TAS2R1: variants seen among roughly 807,000 people sequenced by gnomAD.
TAS2R1 encodes taste 2 receptor member 1, also known as taste receptor type 2 member 1.
For synonymous variants in TAS2R1, 141 were observed against 134.2 expected (o/e 1.05, Z -0.35); for missense variants, 370 against 353.4 (o/e 1.05, Z -0.38).
chr5:9,849,696 G>A, the TAS2R1 span, among the ~76,000 whole-genome samples: 8 of 152,282 alleles, frequency 5.3e-5, no homozygotes, highest in African/African-American at 1.9e-4. Flanking sequence ...CCTCCTAGGT[G>A]GAGAGGCTAA....
At chr5:9,652,579 C>T (rs1334901813) in intron 2 of TAS2R1, among the ~76,000 whole-genome samples, 1 of 152,122 alleles carries the variant, frequency 6.6e-6, no homozygotes, top group African/African-American at 2.4e-5. Flanking sequence ...CTGCCTGCCC[C>T]CACCACACAC....
rs546345529 is a variant in TAS2R1, at chr5:9,703,755, A to T, written c.-242+8417T>A. Among the ~76,000 whole-genome samples the T allele has an allele frequency of 9.6e-4, 146 of 152,286 alleles. 1 individual carries two copies. Among genetic ancestry groups the T allele is most frequent in the African/African-American group, 3.4e-3 (141 of 41,560 alleles). Reference sequence around the variant, plus strand: ...AGATTTGGAAGCTTGCTTACATTGCATCTGTGCCTACAACTGTCCTAGGTC... The same window carrying T: ...AGATTTGGAAGCTTGCTTACATTGCTTCTGTGCCTACAACTGTCCTAGGTC... On this transcript the variant is annotated intron_variant, in intron 1 of 2. Coordinates refer to the TAS2R1 transcript ENST00000506620.
At chr5:9,866,529 C>A in the TAS2R1 span, among the ~76,000 whole-genome samples, 2 of 152,170 alleles carry the variant, frequency 1.3e-5, no homozygotes, top group Admixed American at 6.5e-5. Context: ...TTTCCTCTGG[C>A]AAATCACTTT....
At chr5:9,780,348 T>G in the TAS2R1 span, among the ~76,000 whole-genome samples, 423 of 152,338 alleles carry the variant, frequency 2.8e-3, 1 homozygote, top group Non-Finnish European at 3.8e-3. Context: ...GGTTCCCTAC[T>G]ACAGTTACAC....
chr5:9,875,295 T>C, the TAS2R1 span, among the ~76,000 whole-genome samples: 1 of 152,212 alleles, frequency 6.6e-6, no homozygotes, highest in Non-Finnish European at 1.5e-5. Context: ...CCTACAGACA[T>C]TCATATTCAA....
At chr5:9,740,423 A>G in the TAS2R1 span, among the ~76,000 whole-genome samples, 1 of 152,168 alleles carries the variant, frequency 6.6e-6, no homozygotes, top group Non-Finnish European at 1.5e-5. Flanking sequence ...TGCTTCATGG[A>G]TCAGTTTTCA....
intron 1 of TAS2R1, among the ~76,000 whole-genome samples, chr5:9,702,444 C>T (rs1364363290): frequency 2.0e-5 from 3 of 152,124 alleles, no homozygotes; most frequent in Non-Finnish European, 4.4e-5. Flanking sequence ...GACAGCCCCT[C>T]CACCAAAGAA....
At chr5:9,803,075 G>C in the TAS2R1 span, among the ~76,000 whole-genome samples, 3 of 152,082 alleles carry the variant, frequency 2.0e-5, no homozygotes, top group Non-Finnish European at 4.4e-5. Flanking sequence ...GGAAATCAAG[G>C]ACACACTTAG....
chr5:9,728,120 A>G, the TAS2R1 span, among the ~76,000 whole-genome samples: 86 of 152,296 alleles, frequency 5.6e-4, no homozygotes, highest in African/African-American at 2.0e-3. Flanking sequence ...AGAACCCTAG[A>G]AAGGTTGGCA....
intron 1 of TAS2R1, among the ~76,000 whole-genome samples, chr5:9,686,120 C>G (rs1358077570): frequency 6.6e-6 from 1 of 152,232 alleles, no homozygotes; most frequent in Non-Finnish European, 1.5e-5. Context: ...CTGCCTCAGC[C>G]TCCCAAAATG....
the TAS2R1 span, among the ~76,000 whole-genome samples, chr5:9,821,539 C>A: frequency 6.6e-6 from 1 of 152,182 alleles, no homozygotes; most frequent in Non-Finnish European, 1.5e-5. Context: ...GTACACAAGG[C>A]TAGGACCAAC....
At chr5:9,712,728 C>T (rs893699746), upstream of TAS2R1, among the ~76,000 whole-genome samples, 1 of 152,306 alleles carries the variant, frequency 6.6e-6, no homozygotes, top group African/African-American at 2.4e-5. Context: ...GTGTCTAGCA[C>T]GTGCGCTGTC....
chr5:9,749,745 G>C, the TAS2R1 span, among the ~76,000 whole-genome samples: 3 of 152,170 alleles, frequency 2.0e-5, no homozygotes, highest in East Asian at 1.9e-4. Context: ...CAAGTACAAA[G>C]AACAACAAAA....
chr5:9,898,905 G>A, the TAS2R1 span, among the ~76,000 whole-genome samples: 4 of 152,182 alleles, frequency 2.6e-5, no homozygotes, highest in African/African-American at 9.7e-5. Context: ...TAATCCTCAT[G>A]CTAATTAACA....
At chr5:9,839,891 G>A in the TAS2R1 span, among the ~76,000 whole-genome samples, 1 of 151,768 alleles carries the variant, frequency 6.6e-6, no homozygotes, top group Non-Finnish European at 1.5e-5. Flanking sequence ...TAATGTAATC[G>A]ATTTTTATAT....
At chr5:9,680,357 T>C (rs1010733774) in intron 1 of TAS2R1, among the ~76,000 whole-genome samples, 1 of 152,094 alleles carries the variant, frequency 6.6e-6, no homozygotes, top group Non-Finnish European at 1.5e-5. Flanking sequence ...AGGGGGAGCA[T>C]AAGTTCTACT....
At chr5:9,737,179 T>A in the TAS2R1 span, among the ~76,000 whole-genome samples, 1 of 152,198 alleles carries the variant, frequency 6.6e-6, no homozygotes, top group Non-Finnish European at 1.5e-5. Context: ...CTGGTCTTCA[T>A]CCTGCCCCAT....
At chr5:9,781,216 C>T in the TAS2R1 span, among the ~76,000 whole-genome samples, 5 of 152,192 alleles carry the variant, frequency 3.3e-5, no homozygotes, top group African/African-American at 1.2e-4. Context: ...TAAAGTTGAA[C>T]TTTACCTGCA....
chr5:9,775,663 G>T, the TAS2R1 span, among the ~76,000 whole-genome samples: 1 of 152,058 alleles, frequency 6.6e-6, no homozygotes, highest in South Asian at 2.1e-4. Flanking sequence ...GATGAATCCT[G>T]CCAGGACTGG....
Sources: allele counts gnomAD v4.1 joint callset (sites outside exome capture counted in the v4.1 genomes callset), GRCh38; gene constraint gnomAD v4.1.1; transcripts MANE v1.5; gene names NCBI Gene and HGNC (gene_info 2026-07-23, HGNC 2026-07-21).